FER: variants seen among roughly 807,000 people sequenced by gnomAD.
FER encodes tyrosine-protein kinase Fer.
In FER, 63 loss-of-function variants were observed where a neutral mutation model predicts 111.0. The ratio of observed to expected loss-of-function variants is 0.57; its 90% CI spans 0.46 to 0.70. FER has a LOEUF of 0.70. FER is among the 30% of genes least tolerant of loss of function. The probability of loss-of-function intolerance (pLI) is 0.00; values close to 1 mark genes in which losing one functional copy is unlikely to be tolerated. For synonymous variants in FER, 327 were observed against 313.9 expected, an observed-to-expected ratio of 1.04 and a Z score of -0.44; for missense variants, 914 against 954.0, an observed-to-expected ratio of 0.96 and a Z score of 0.55.
At chr5:108,982,388 A>C (rs1762105064) in intron 13 of FER, among the ~76,000 whole-genome samples, 1 of 152,080 alleles carries the variant, frequency 6.6e-6, no homozygotes, top group Admixed American at 6.6e-5. Flanking sequence ...TGCATTTATC[A>C]GGGACTAGGC....
At chr5:108,987,228 A>T (rs1369351692) in intron 13 of FER, among the ~76,000 whole-genome samples, 2 of 152,016 alleles carry the variant, frequency 1.3e-5, no homozygotes, top group African/African-American at 4.8e-5. Context: ...GGCAGATCAC[A>T]TGAGGTCAGG....
chr5:108,785,396 A>G (rs1238824732), intron 2 of FER: 1 of 586,670 alleles, frequency 1.7e-6, no homozygotes, highest in East Asian at 4.4e-5. Flanking sequence ...AGGGGTAAAT[A>G]TCATCGTAGA....
At chr5:109,008,681 T>C (rs1765810644) in intron 13 of FER, among the ~76,000 whole-genome samples, 1 of 152,182 alleles carries the variant, frequency 6.6e-6, no homozygotes, top group African/African-American at 2.4e-5. Context: ...TCCATCCTTA[T>C]CTTAAACAAT....
intron 5 of FER, among the ~76,000 whole-genome samples, chr5:108,844,155 CAT>C (rs1298753786): frequency 2.0e-5 from 3 of 147,560 alleles, no homozygotes; most frequent in African/African-American, 7.3e-5. Flanking sequence ...TGTGTGTGAA[CAT>C]ATATATGTGT....
chr5:108,882,131 A>G (rs559494075), intron 8 of FER, among the ~76,000 whole-genome samples: 1 of 152,056 alleles, frequency 6.6e-6, no homozygotes, highest in Non-Finnish European at 1.5e-5. Flanking sequence ...ATATTTTTGT[A>G]TGGACAGACT....
intron 3 of FER, among the ~76,000 whole-genome samples, chr5:108,826,196 A>C (rs1447296500): frequency 6.6e-6 from 1 of 152,212 alleles, no homozygotes; most frequent in African/African-American, 2.4e-5. Flanking sequence ...ACATGAAGTT[A>C]TTCATTATTC....
intron 17 of FER, among the ~76,000 whole-genome samples, chr5:109,155,594 C>T (rs1411777999): frequency 2.6e-5 from 4 of 151,900 alleles, no homozygotes; most frequent in Non-Finnish European, 5.9e-5. Flanking sequence ...GATCTCAACA[C>T]TCATGGAGAA....
At chr5:108,801,812 A>G (rs1454901196) in intron 3 of FER, among the ~76,000 whole-genome samples, 3 of 152,204 alleles carry the variant, frequency 2.0e-5, no homozygotes, top group Admixed American at 2.0e-4. Context: ...GGCATATCCA[A>G]ATTACCGGCA....
At chr5:108,860,239 C>A (rs1763386135) in intron 5 of FER, among the ~76,000 whole-genome samples, 1 of 147,770 alleles carries the variant, frequency 6.8e-6, no homozygotes, top group Non-Finnish European at 1.5e-5. Context: ...CTGTGCCTGG[C>A]CATACCTATT....
intron 10 of FER, among the ~76,000 whole-genome samples, chr5:108,945,700 C>G (rs1333568572): frequency 6.8e-6 from 1 of 147,982 alleles, no homozygotes; most frequent in African/African-American, 2.5e-5. Context: ...ACTTTTATTC[C>G]TGTTTTTTTT....
chr5:109,053,543 G>C (rs1773149475), intron 16 of FER, among the ~76,000 whole-genome samples: 1 of 150,488 alleles, frequency 6.6e-6, no homozygotes, highest in Non-Finnish European at 1.5e-5. Flanking sequence ...GGTGCTTTCT[G>C]TCACTAGGTA....
intron 1 of FER, among the ~76,000 whole-genome samples, chr5:108,751,160 C>T (rs1430540144): frequency 6.6e-6 from 1 of 152,012 alleles, no homozygotes; most frequent in Admixed American, 6.6e-5. Flanking sequence ...CCATTGCACT[C>T]CAGCCTAGGT....
chr5:109,068,132 G>A (rs1178784515), intron 16 of FER, among the ~76,000 whole-genome samples: 1 of 151,480 alleles, frequency 6.6e-6, no homozygotes, highest in Non-Finnish European at 1.5e-5. Context: ...AGAAAGCCCA[G>A]TGGGAAACAT....
intron 10 of FER, among the ~76,000 whole-genome samples, chr5:108,918,132 A>G (rs1752502426): frequency 6.6e-6 from 1 of 152,160 alleles, no homozygotes; most frequent in South Asian, 2.1e-4. Context: ...AGCTTTCCAA[A>G]GGCCAAAATG....
intron 13 of FER, among the ~76,000 whole-genome samples, chr5:108,973,995 G>T (rs1225599961): frequency 6.6e-6 from 1 of 152,022 alleles, no homozygotes; most frequent in East Asian, 1.9e-4. Context: ...CTTGAATGTG[G>T]GTTTTCAGGA....
chr5:108,919,656 C>T (rs1286027742), intron 10 of FER, among the ~76,000 whole-genome samples: 1 of 152,108 alleles, frequency 6.6e-6, no homozygotes, highest in Non-Finnish European at 1.5e-5. Context: ...GTTATTCCAG[C>T]CTTTCAGACA....
intron 1 of FER, among the ~76,000 whole-genome samples, chr5:108,764,989 T>C (rs772429713): frequency 6.6e-6 from 1 of 152,140 alleles, no homozygotes; most frequent in Non-Finnish European, 1.5e-5. Flanking sequence ...TTCTTTTGCA[T>C]CACCCTAGTC....
intron 1 of FER, among the ~76,000 whole-genome samples, chr5:108,750,796 G>A (rs1486733477): frequency 1.3e-5 from 2 of 152,126 alleles, no homozygotes; most frequent in Admixed American, 1.3e-4. Context: ...CAGAAGAGTC[G>A]AGTTGAACCC....
At chr5:108,827,609 T>C (rs913824738) in intron 3 of FER, among the ~76,000 whole-genome samples, 1 of 152,118 alleles carries the variant, frequency 6.6e-6, no homozygotes, top group Non-Finnish European at 1.5e-5. Flanking sequence ...GAATTTGACT[T>C]TATATTATTT....
Sources: gnomAD v4.1 joint callset for allele counts (sites outside exome capture counted in the v4.1 genomes callset) on GRCh38, gnomAD v4.1.1 for gene constraint, MANE v1.5 for transcripts, NCBI Gene and HGNC (gene_info 2026-07-23, HGNC 2026-07-21) for gene names.